The following MARCHF5 variants were observed in gnomAD, a reference collection of about 807,000 sequenced individuals.
The protein encoded by MARCHF5 is E3 ubiquitin-protein ligase MARCHF5.
In MARCHF5, 5 loss-of-function variants were observed where a neutral mutation model predicts 36.5. The observed-to-expected ratio is 0.14, with a 90% CI of 0.07 to 0.29. The LOEUF (loss-of-function observed/expected upper bound fraction) is 0.29, where lower values mean the gene tolerates loss of function less well. MARCHF5 is among the 10% of genes least tolerant of loss of function. The pLI is 1.00. For missense variants in MARCHF5, 179 were observed against 336.3 expected (o/e 0.53, Z 3.66); for synonymous variants, 103 against 109.9 (o/e 0.94, Z 0.39).
At chr10:92,328,749 C>G (rs1843399388) in intron 2 of MARCHF5, among the ~76,000 whole-genome samples, 1 of 150,164 alleles carries the variant, frequency 6.7e-6, no homozygotes, top group Non-Finnish European at 1.5e-5. Flanking sequence ...ATATGTTGCC[C>G]TATCCTCTGC....
intron 1 of MARCHF5, among the ~76,000 whole-genome samples, chr10:92,295,399 A>ATTTTTTTTT (rs1234961486): frequency 9.2e-5 from 6 of 65,014 alleles, no homozygotes; most frequent in African/African-American, 2.1e-4. Flanking sequence ...TTATTTATTT[A>ATTTTTTTTT]TTTATTTATT....
chr10:92,323,815 T>A (rs1014235879), intron 2 of MARCHF5, among the ~76,000 whole-genome samples: 1 of 152,240 alleles, frequency 6.6e-6, no homozygotes, highest in African/African-American at 2.4e-5. Context: ...CTGAAAGACA[T>A]CTTGGTTGCT....
rs1843662686 is a variant in MARCHF5 at position 92,347,523 on chromosome 10, T to TGGATGATAGATA, written c.370-1825_370-1824insGATGATAGATAG. Among the ~76,000 whole-genome samples the TGGATGATAGATA allele has an allele frequency of 5.8e-5, 5 of 86,876 alleles. 1 individual carries two copies. Among genetic ancestry groups the TGGATGATAGATA allele is most frequent in the Admixed American group, 2.4e-4 (2 of 8,190 alleles). The allele number at this position is 86,876 out of a possible 152,430, so 57.0% of individuals were successfully genotyped here. On this transcript the variant is annotated intron_variant, in intron 3 of 5. Coordinates refer to ENST00000358935, the MANE Select transcript of MARCHF5 (RefSeq NM_017824.5). ...ATAGATAGATAGATAGATAGATAGA[T>TGGATGATAGATA]GATAGATATATAGATAGATAGATAG... is the stretch of plus-strand genomic sequence containing the variant.
chr10:92,332,789 G>A (rs7922855), intron 2 of MARCHF5, among the ~76,000 whole-genome samples: 16,097 of 151,336 alleles, frequency 0.11, 2,813 homozygotes, highest in African/African-American at 0.37. Context: ...AAAGTTCTGG[G>A]ATTACAGGTG....
At position 92,291,222 on chromosome 10, in the gene MARCHF5, C is replaced by T; in HGVS notation, c.-273C>T. 1 of 533,846 alleles carries T rather than the reference C, an allele frequency of 1.9e-6. No individual in the cohort carries two copies. Among genetic ancestry groups the T allele is most frequent in the Non-Finnish European group, 3.3e-6 (1 of 305,974 alleles). 33.1% of individuals were successfully genotyped at this position (533,846 alleles called of 1,614,324 possible). A position where few individuals can be genotyped will look rare whatever the true frequency, so the allele number is the denominator to read the frequency against. ...CAACTCGGCGCCCGCGGTCCATGGA[C>T]CGGAACCTCGGGCCGACGGACGGGA... On this transcript the variant is annotated 5_prime_UTR_variant, in exon 1 of 6. Transcript: ENST00000358935.
At chr10:92,294,142 C>G (rs941860582) in intron 1 of MARCHF5, among the ~76,000 whole-genome samples, 5 of 152,058 alleles carry the variant, frequency 3.3e-5, no homozygotes, top group African/African-American at 1.2e-4. Context: ...ACCTACTGCC[C>G]TAAGTCCTAA....
chr10:92,304,815 C>T lies in MARCHF5; in HGVS notation c.36-6320C>T, dbSNP rs1345001966. On this transcript the variant is annotated intron_variant, in intron 1 of 5. Coordinates refer to ENST00000358935, the MANE Select transcript of MARCHF5 (RefSeq NM_017824.5). ...ACCGATCCCCACCCCCTAAGTTTTT[C>T]ATGGACCCCAGATTAAGAACCCCTG... is the stretch of plus-strand genomic sequence containing the variant. Among the ~76,000 whole-genome samples the T allele has an allele frequency of 3.3e-5, 5 of 152,126 alleles. No homozygotes were observed. In the East Asian group the frequency reaches 5.8e-4, roughly 18 times the overall value.
chr10:92,333,944 C>G (rs909049054), intron 2 of MARCHF5, among the ~76,000 whole-genome samples: 2 of 152,140 alleles, frequency 1.3e-5, no homozygotes, highest in African/African-American at 4.8e-5. Context: ...AATCCCATCA[C>G]TTTGGGAGGC....
At chr10:92,351,004 GTCT>G in intron 5 of MARCHF5, 84 bp from the exon 6 acceptor site, 1 of 724,446 alleles carries the variant, frequency 1.4e-6, no homozygotes, top group Non-Finnish European at 2.4e-6. Context: ...CAAAGCCTAC[GTCT>G]TTTGTGATCT....
intron 2 of MARCHF5, among the ~76,000 whole-genome samples, chr10:92,329,365 AT>A (rs1843409715): frequency 6.6e-6 from 1 of 152,240 alleles, no homozygotes; most frequent in African/African-American, 2.4e-5. Flanking sequence ...AGGCTAAACC[AT>A]TTTAAAGTAA....
intron 1 of MARCHF5, among the ~76,000 whole-genome samples, chr10:92,298,366 A>G (rs1368519590): frequency 6.6e-6 from 1 of 152,066 alleles, no homozygotes; most frequent in Non-Finnish European, 1.5e-5. Flanking sequence ...GTTTATTCAA[A>G]CAACTCCCAG....
chr10:92,319,948 G>A (rs575491326), intron 2 of MARCHF5, among the ~76,000 whole-genome samples: 14 of 139,184 alleles, frequency 1.0e-4, no homozygotes, highest in Non-Finnish European at 2.0e-4. Flanking sequence ...CACTGCACCT[G>A]GCCAAAAAAA....
intron 1 of MARCHF5, among the ~76,000 whole-genome samples, chr10:92,309,457 T>G (rs1843120308): frequency 6.6e-6 from 1 of 152,222 alleles, no homozygotes; most frequent in Admixed American, 6.5e-5. Flanking sequence ...ACCATAATAC[T>G]GATTAATTAT....
chr10:92,344,481 G>C (rs982465345), intron 3 of MARCHF5, among the ~76,000 whole-genome samples: 11 of 151,950 alleles, frequency 7.2e-5, no homozygotes, highest in Non-Finnish European at 1.2e-4. Flanking sequence ...CACTTGAAAA[G>C]ATTTTTTTTT....
rs576145437 is a variant in MARCHF5, at chr10:92,319,951, CA to C, written c.238+8629del. Among the ~76,000 whole-genome samples the C allele has an allele frequency of 4.1e-3, 295 of 71,124 alleles. 2 individuals are homozygous for C. Among genetic ancestry groups the C allele is most frequent in the East Asian group, 0.015 (41 of 2,646 alleles). The allele number at this position is 71,124 out of a possible 152,430, so 46.7% of individuals were successfully genotyped here. ...ACAGGCGTGAGCCACTGCACCTGGC[CA>C]AAAAAAAAAAAAAATTTCTTTTCTT... On this transcript the variant is annotated intron_variant, in intron 2 of 5. Transcript: ENST00000358935.
At chr10:92,294,491 A>G (rs1842926902) in intron 1 of MARCHF5, among the ~76,000 whole-genome samples, 1 of 152,148 alleles carries the variant, frequency 6.6e-6, no homozygotes. Flanking sequence ...GTTGAACACA[A>G]AGATACTCAA....
At chr10:92,297,483 CTTTTTTTTT>C (rs965295861) in intron 1 of MARCHF5, among the ~76,000 whole-genome samples, 2 of 122,970 alleles carry the variant, frequency 1.6e-5, no homozygotes, top group African/African-American at 3.2e-5. Context: ...CAGCTTTCAA[CTTTTTTTTT>C]TTTTTTTTTT....
rs750164982 is a variant in MARCHF5 at position 92,334,867 on chromosome 10, T to C, written c.239-5806T>C. Among the ~76,000 whole-genome samples, 92 of 152,338 alleles carry C rather than the reference T, an allele frequency of 6.0e-4. No individual in the cohort carries two copies. The Middle Eastern group carries it at 0.034, about 56-fold the overall frequency. On this transcript the variant is annotated intron_variant, in intron 2 of 5. Coordinates refer to ENST00000358935, the MANE Select transcript of MARCHF5 (RefSeq NM_017824.5). Reference sequence around the variant, plus strand: ...TGAATTTACCCAGAATATTAGGGTGTAGTTGTTCTCTTTACAAAAGCTTCT... The same window carrying C: ...TGAATTTACCCAGAATATTAGGGTGCAGTTGTTCTCTTTACAAAAGCTTCT...
At chr10:92,348,059 T>G (rs1021549188) in intron 3 of MARCHF5, among the ~76,000 whole-genome samples, 5 of 151,772 alleles carry the variant, frequency 3.3e-5, no homozygotes, top group African/African-American at 1.2e-4. Context: ...GGTGCACACC[T>G]GTAATCCCAG....
Sources: allele counts gnomAD v4.1 joint callset (sites outside exome capture counted in the v4.1 genomes callset), GRCh38; gene constraint gnomAD v4.1.1; transcripts MANE v1.5; gene names NCBI Gene and HGNC (gene_info 2026-07-23, HGNC 2026-07-21).